The following ODF2 variants were observed in gnomAD, a reference collection of about 807,000 sequenced individuals.
ODF2 encodes outer dense fiber of sperm tails 2, also known as outer dense fiber protein 2.
ODF2 carries 47 observed loss-of-function variants against 110.2 expected under a neutral mutation model. The ratio of observed to expected loss-of-function variants is 0.43; its 90% confidence interval spans 0.34 to 0.54. ODF2 has a LOEUF of 0.54. ODF2 is among the 20% of genes least tolerant of loss of function. The pLI is 0.03. For synonymous variants in ODF2, 352 were observed against 397.7 expected (o/e 0.89, Z 1.37); for missense variants, 812 against 1,054.5 (o/e 0.77, Z 3.19).
intron 2 of ODF2, among the ~76,000 whole-genome samples, chr9:128,458,817 C>G (rs1835643371): frequency 6.6e-6 from 1 of 151,986 alleles, no homozygotes; most frequent in South Asian, 2.1e-4. Flanking sequence ...GTGCCTGAGC[C>G]TAATGCTCTT....
exon 14 of ODF2, chr9:128,487,940 G>A (rs1213698097): frequency 6.8e-6 from 11 of 1,613,928 alleles, no homozygotes; most frequent in Non-Finnish European, 8.5e-6. Context: ...GAGAAGATGC[G>A]GGAAGACCGG....
intron 16 of ODF2, among the ~76,000 whole-genome samples, chr9:128,493,237 T>C (rs1481233078): frequency 6.6e-6 from 1 of 152,002 alleles, no homozygotes; most frequent in East Asian, 1.9e-4. Context: ...AATACAAAAT[T>C]AGCCGGGTCT....
chr9:128,461,145 G>A, intron 4 of ODF2, 78 bp downstream of exon 4: 2 of 1,540,234 alleles, frequency 1.3e-6, no homozygotes, highest in Non-Finnish European at 1.8e-6. Context: ...ATGATTCAGG[G>A]TCAGCTATAG....
At chr9:128,482,530 C>G (rs1459664890) in intron 9 of ODF2, among the ~76,000 whole-genome samples, 1 of 152,014 alleles carries the variant, frequency 6.6e-6, no homozygotes, top group Admixed American at 6.6e-5. Context: ...CTGGTTATCT[C>G]TGCATGGGGG....
At chr9:128,488,743 T>C (rs1843918852) in intron 14 of ODF2, among the ~76,000 whole-genome samples, 1 of 151,920 alleles carries the variant, frequency 6.6e-6, no homozygotes, top group Admixed American at 6.6e-5. Context: ...CGGGCTCACG[T>C]CTGTAATCCC....
rs1843721730 is a variant in ODF2, at chr9:128,487,915, C to T, written c.1426C>T (p.Gln476Ter). 1 of 1,613,900 alleles carries T rather than the reference C, an allele frequency of 6.2e-7. No individual in the cohort carries two copies. Residue 476 changes from glutamine (Q) to a stop codon, truncating the protein, a stop_gained, in exon 14 of 21, where the codon CAA (glutamine) becomes TAA (stop). Transcript: ENST00000604420. LOFTEE classifies it high-confidence loss of function. ...CCGGGTAACAGATCTTGTAAACCAACAACAAACCCTGGAGGAGAAGATGCG... is the reference window on the plus strand; with the variant it reads ...CCGGGTAACAGATCTTGTAAACCAATAACAAACCCTGGAGGAGAAGATGCG...
Position 128,497,472 on chromosome 9 carries a change from T to A in ODF2, c.2013-941T>A, listed in dbSNP as rs1374441308. The stretch of plus-strand genomic sequence containing the variant: ...ATATATATATATATATATATATATA[T>A]ATATATATATATATGTATAAAATTA... On this transcript the variant is annotated intron_variant, in intron 18 of 20. Coordinates refer to ENST00000604420, the Ensembl canonical transcript of ODF2. 26 of 103,632 alleles carry A rather than the reference T, an allele frequency of 2.5e-4. 1 individual carries two copies. Among genetic ancestry groups the A allele is most frequent in the South Asian group, 3.1e-4 (1 of 3,176 alleles). 6.4% of individuals were successfully genotyped at this position (103,632 alleles called of 1,614,324 possible). A position where few individuals can be genotyped will look rare whatever the true frequency, so the allele number is the denominator to read the frequency against.
exon 14 of ODF2, chr9:128,487,949 G>A (rs1453778232): frequency 8.7e-6 from 14 of 1,613,960 alleles, no homozygotes; most frequent in Middle Eastern, 1.6e-4. Context: ...CGGGAAGACC[G>A]GGATAGCCTG....
At position 128,483,299 on chromosome 9, in the gene ODF2, C is replaced by T. The variant is rs941938978; in HGVS notation, c.987+412C>T. On this transcript the variant is annotated intron_variant, in intron 10 of 20. Transcript: ENST00000604420. ...CAGTAGCTCATGTCTGGCACTTTTT[C>T]GAGACCAGCCTAGGCCACTCCCTAG... 4.6e-5 allele frequency among the ~76,000 whole-genome samples: 7 copies of T among 152,204 alleles called. 1 individual carries two copies. The highest frequency in any genetic ancestry group is 4.1e-4 in the South Asian group (2 of 4,824).
chr9:128,457,130 G>GTCCCCTCCCCTTCC, intron 1 of ODF2: 1 of 1,404,346 alleles, frequency 7.1e-7, no homozygotes, highest in Non-Finnish European at 9.4e-7. Flanking sequence ...GTTCTGCCCC[G>GTCCCCTCCCCTTCC]TCCCCTCCCC....
At position 128,481,562 on chromosome 9, in the gene ODF2, C is replaced by T. The variant is rs1328583520; in HGVS notation, c.844-18C>T. On this transcript the variant is annotated intron_variant, in intron 8 of 20. Coordinates refer to ENST00000604420, the Ensembl canonical transcript of ODF2. ...TATTGCTTAATGACTTGACTTTTTC[C>T]TTTGCCTTTCTTTGAAGGATTCTGA... 1 of 1,605,062 alleles carries T rather than the reference C, an allele frequency of 6.2e-7. No homozygotes were observed. The highest frequency in any genetic ancestry group is 1.7e-5 in the Admixed American group (1 of 58,794).
At chr9:128,483,333 G>A (rs929253428) in intron 10 of ODF2, among the ~76,000 whole-genome samples, 4 of 152,284 alleles carry the variant, frequency 2.6e-5, no homozygotes, top group Admixed American at 1.3e-4. Context: ...AGCACTTTGG[G>A]AGGCCAATGC....
intron 7 of ODF2, 109 bp from the exon 8 acceptor site, chr9:128,473,501 C>A: frequency 6.6e-7 from 1 of 1,526,650 alleles, no homozygotes; most frequent in Non-Finnish European, 8.8e-7. Flanking sequence ...CTGTACACAG[C>A]CTGGTTCTCC....
rs374648497 is a variant in ODF2 at position 128,499,146 on chromosome 9, C to A, written c.2301+20C>A. 6.2e-7 allele frequency: 1 copy of A among 1,613,802 alleles called. No individual in the cohort carries two copies. On this transcript the variant is annotated intron_variant, in intron 20 of 20. Coordinates refer to ENST00000604420, the Ensembl canonical transcript of ODF2. ...GATGATGTGAGTCAGGCTGGTGGGC[C>A]GGGCTAGGAGAGTGGGCAGCAGACC...
chr9:128,456,843 C>CG (rs1834984962), intron 1 of ODF2: 4 of 1,313,530 alleles, frequency 3.0e-6, no homozygotes, highest in Non-Finnish European at 3.9e-6. Flanking sequence ...GCGGGGCGCC[C>CG]GGGGCCCGTG....
At chr9:128,464,001 C>T (rs1193486132) in intron 4 of ODF2, among the ~76,000 whole-genome samples, 1 of 151,958 alleles carries the variant, frequency 6.6e-6, no homozygotes, top group African/African-American at 2.4e-5. Context: ...CGCACCACCA[C>T]ACCTGGCTAA....
chr9:128,484,746 A>G, exon 12 of ODF2: 2 of 1,600,686 alleles, frequency 1.2e-6, no homozygotes, highest in Non-Finnish European at 1.7e-6. Context: ...AGTGGAGGCC[A>G]TCATGGAGCA....
At chr9:128,470,018 AATATAT>A (rs769896764) in intron 5 of ODF2, among the ~76,000 whole-genome samples, 595 of 16,974 alleles carry the variant, frequency 0.035, 58 homozygotes, top group African/African-American at 0.076. Context: ...AAAAAAAAAA[AATATAT>A]ATATATATAT....
At chr9:128,492,858 A>ACAGTCATTGAGTT in intron 16 of ODF2, 53 bp downstream of exon 16, 3 of 1,465,380 alleles carry the variant, frequency 2.0e-6, no homozygotes, top group Non-Finnish European at 2.9e-6. Context: ...TATCTAACTC[A>ACAGTCATTGAGTT]ATGACTGTGA....
Sources: allele counts gnomAD v4.1 joint callset (sites outside exome capture counted in the v4.1 genomes callset), GRCh38; gene constraint gnomAD v4.1.1; transcripts MANE v1.5; gene names NCBI Gene and HGNC (gene_info 2026-07-23, HGNC 2026-07-21).